Variants in ANHX observed in about 807,000 individuals in gnomAD.
ANHX encodes the protein anomalous homeobox protein.
In ANHX, 20 loss-of-function variants were observed where a neutral mutation model predicts 38.9. The ratio of observed to expected loss-of-function variants is 0.51; its 90% CI spans 0.36 to 0.75. The LOEUF (loss-of-function observed/expected upper bound fraction) is 0.75. Ranked by LOEUF, ANHX falls within the 30% of genes least tolerant of loss-of-function variation. The probability of loss-of-function intolerance (pLI) is 0.00; values close to 1 mark genes in which losing one functional copy is unlikely to be tolerated. For missense variants in ANHX, 475 were observed against 493.1 expected (o/e 0.96, Z 0.35); for synonymous variants, 185 against 203.1 (o/e 0.91, Z 0.76).
At chr12:133,226,194 T>C in intron 6 of ANHX, 124 bp downstream of exon 6, 1 of 1,465,602 alleles carries the variant, frequency 6.8e-7, no homozygotes, top group South Asian at 1.2e-5. Flanking sequence ...CTCCCTGGGG[T>C]CTGACCTGAT....
chr12:133,233,857 C>A, intron 2 of ANHX, among the ~76,000 whole-genome samples: 1 of 152,212 alleles, frequency 6.6e-6, no homozygotes, highest in African/African-American at 2.4e-5. Context: ...TCACAGATCA[C>A]CACTCAATAG....
chr12:133,235,785 C>A (rs1469571344), intron 1 of ANHX, 22 bp downstream of exon 1: 7 of 146,786 alleles, frequency 4.8e-5, no homozygotes, highest in Non-Finnish European at 9.2e-5. Context: ...CTCCCGGACC[C>A]CCCTGCCCGC....
chr12:133,224,706 C>G (rs1405337582), intron 7 of ANHX, among the ~76,000 whole-genome samples: 1 of 147,446 alleles, frequency 6.8e-6, no homozygotes, highest in Admixed American at 6.9e-5. Flanking sequence ...TGGCTCACGC[C>G]TGTAATCCCA....
At chr12:133,230,683 A>G (rs1593971560) in intron 3 of ANHX, among the ~76,000 whole-genome samples, 1 of 152,048 alleles carries the variant, frequency 6.6e-6, no homozygotes, top group East Asian at 1.9e-4. Context: ...GGATCGCTTG[A>G]GCCCGGGAAG....
intron 2 of ANHX, 128 bp downstream of exon 2, chr12:133,233,980 G>A (rs1225416510): frequency 4.0e-6 from 5 of 1,238,400 alleles, no homozygotes; most frequent in Non-Finnish European, 4.4e-6. Context: ...TCCAAGGCCT[G>A]GGGGTGGGCC....
rs1237081533 is a variant in ANHX at position 133,224,748 on chromosome 12, G to T, written c.1132+788C>A. On this transcript the variant is annotated intron_variant, in intron 7 of 9. Transcript: ENST00000545940. ...TGGGAGGCCGAGGCGGGCGGATCATGAGGTCAGGAGATCAAGACCATCCTG... is the reference window on the plus strand; with the variant it reads ...TGGGAGGCCGAGGCGGGCGGATCATTAGGTCAGGAGATCAAGACCATCCTG... Among the ~76,000 whole-genome samples the T allele has an allele frequency of 1.3e-5, 2 of 150,908 alleles. 1 individual carries two copies. Among genetic ancestry groups the T allele is most frequent in the Non-Finnish European group, 2.9e-5 (2 of 67,858 alleles).
chr12:133,220,352 A>C (rs1957092113), intron 8 of ANHX, among the ~76,000 whole-genome samples: 2 of 152,148 alleles, frequency 1.3e-5, no homozygotes, highest in Admixed American at 1.3e-4. Flanking sequence ...GTGAGGCGAG[A>C]CACACAAGGG....
intron 3 of ANHX, 73 bp from the exon 4 acceptor site, chr12:133,228,020 C>T (rs1418592630): frequency 6.6e-7 from 1 of 1,505,356 alleles, no homozygotes; most frequent in African/African-American, 1.4e-5. Flanking sequence ...AGGCCTGGCC[C>T]TCTGCAGAAG....
chr12:133,233,310 G>C (rs2135578221), intron 2 of ANHX, among the ~76,000 whole-genome samples: 1 of 152,308 alleles, frequency 6.6e-6, no homozygotes, highest in Non-Finnish European at 1.5e-5. Flanking sequence ...AGGTGGAGGG[G>C]ACAGGAGGAC....
Position 133,218,829 on chromosome 12 carries a change from A to T in ANHX, c.*56T>A. The T allele has an allele frequency of 7.5e-7, 1 of 1,333,192 alleles. No individual in the cohort carries two copies. The highest frequency in any genetic ancestry group is 1.0e-6 in the Non-Finnish European group (1 of 999,824). 82.6% of individuals were successfully genotyped at this position (1,333,192 alleles called of 1,614,324 possible). On this transcript the variant is annotated 3_prime_UTR_variant, in exon 10 of 10. Transcript: ENST00000545940. The stretch of plus-strand genomic sequence containing the variant: ...AGCTCTGTAACTCCTTGTGTTGACC[A>T]GGCAGACCATCCACACCCGCTCCTC...
rs1002216182 is a variant in ANHX at position 133,232,909 on chromosome 12, G to A, written c.249+1199C>T. 4.6e-5 allele frequency among the ~76,000 whole-genome samples: 7 copies of A among 152,172 alleles called. No homozygotes were observed. The East Asian group carries it at 7.7e-4, about 17-fold the overall frequency. On this transcript the variant is annotated intron_variant, in intron 2 of 9. Coordinates refer to ENST00000545940, the MANE Select transcript of ANHX (RefSeq NM_001372060.1). Reference sequence around the variant, plus strand: ...CTCATGGACCTTCAGTGTAGTAAGGGAGGCAGATTGACAAACAACCTTCTA... The same window carrying A: ...CTCATGGACCTTCAGTGTAGTAAGGAAGGCAGATTGACAAACAACCTTCTA...
Position 133,234,326 on chromosome 12 carries a change from G to T in ANHX, c.31C>A (p.His11Asn), listed in dbSNP as rs1220784469. ...GCCGGGGGTGCACAGGTGTCCTCAT[G>T]CTCCTTCAGCAGAGTCAGGAAGCTC... MQSFLTLLKEHEDTCAPPAEL... is the reference protein window; with the variant it reads MQSFLTLLKENEDTCAPPAEL... The change falls in exon 2 of 10, where the codon CAT becomes AAT. Residue 11 changes from histidine to asparagine, a missense_variant. Transcript: ENST00000545940. 1 of 1,536,018 alleles carries T rather than the reference G, an allele frequency of 6.5e-7. No homozygotes were observed. The highest frequency in any genetic ancestry group is 1.2e-5 in the South Asian group (1 of 84,056).
At chr12:133,226,891 C>T (rs1291882807) in intron 5 of ANHX, 45 bp downstream of exon 5, 4 of 1,459,402 alleles carry the variant, frequency 2.7e-6, no homozygotes, top group Admixed American at 2.4e-5. Context: ...TTGTCAGAAA[C>T]CAGCTCCCCG....
Position 133,226,956 on chromosome 12 carries a change from A to G in ANHX, c.698T>C (p.Val233Ala), listed in dbSNP as rs1382309115. ...CTCACCTGACCACTGAGGCCTGTCC[A>G]CAAACCCAGAGTCAACACGGGGGTT... The part of the protein sequence containing the change: ...SGNPRVDSGF[V>A]DRPQWSEERE... The change falls in exon 5 of 10, where the codon GTG (valine) becomes GCG (alanine). Residue 233 changes from valine (V) to alanine (A), a missense_variant. Coordinates refer to ENST00000545940, the MANE Select transcript of ANHX (RefSeq NM_001372060.1). 2.6e-6 allele frequency: 4 copies of G among 1,530,098 alleles called. No homozygotes were observed. The East Asian group carries it at 7.3e-5, about 28-fold the overall frequency. The allele number at this position is 1,530,098 out of a possible 1,614,324, so 94.8% of individuals were successfully genotyped here.
intron 9 of ANHX, 22 bp downstream of exon 9, chr12:133,219,261 A>T (rs1957076110): frequency 1.3e-6 from 2 of 1,523,984 alleles, no homozygotes; most frequent in Non-Finnish European, 1.8e-6. Context: ...GGAATCCTTC[A>T]GTGCTCATAG....
chr12:133,232,852 T>C (rs2135577155), intron 2 of ANHX, among the ~76,000 whole-genome samples: 1 of 152,310 alleles, frequency 6.6e-6, no homozygotes, highest in Non-Finnish European at 1.5e-5. Context: ...TGTCAGCCAA[T>C]CTTGCAGTGA....
At position 133,218,846 on chromosome 12, in the gene ANHX, C is replaced by A; in HGVS notation, c.*39G>T. On this transcript the variant is annotated 3_prime_UTR_variant, in exon 10 of 10. Transcript: ENST00000545940. ...TGTTGACCAGGCAGACCATCCACAC[C>A]CGCTCCTCCTGGGGTGCTGTCTGGC... The A allele has an allele frequency of 7.0e-7, 1 of 1,436,290 alleles. No individual in the cohort carries two copies. The highest frequency in any genetic ancestry group is 9.2e-7 in the Non-Finnish European group (1 of 1,083,090). 89.0% of individuals were successfully genotyped at this position (1,436,290 alleles called of 1,614,324 possible).
At chr12:133,226,097 G>A (rs932063310) in intron 6 of ANHX, among the ~76,000 whole-genome samples, 1 of 152,216 alleles carries the variant, frequency 6.6e-6, no homozygotes, top group Non-Finnish European at 1.5e-5. Flanking sequence ...CTCAGGTGAT[G>A]AGTCAGGCTG....
chr12:133,224,555 C>T (rs538997124), intron 7 of ANHX, among the ~76,000 whole-genome samples: 40 of 148,612 alleles, frequency 2.7e-4, no homozygotes, highest in Admixed American at 8.8e-4. Context: ...TCTACCTACT[C>T]GGGAGGCTGA....
Sources: gnomAD v4.1 joint callset for allele counts (sites outside exome capture counted in the v4.1 genomes callset) on GRCh38, gnomAD v4.1.1 for gene constraint, MANE v1.5 for transcripts, NCBI Gene and HGNC (gene_info 2026-07-23, HGNC 2026-07-21) for gene names.